SLC17A4: variants seen among roughly 807,000 people sequenced by gnomAD.
The protein encoded by SLC17A4 is solute carrier family 17 member 4.
SLC17A4 carries 33 observed loss-of-function variants against 52.5 expected under a neutral mutation model. That is an observed-to-expected ratio of 0.63 (90% CI 0.48 to 0.84). SLC17A4 has a LOEUF of 0.84. Among genes scored for constraint, SLC17A4 ranks in the 40% least tolerant of loss-of-function variants. The pLI is 0.00. For synonymous variants in SLC17A4, 225 were observed against 216.2 expected (o/e 1.04, Z -0.36); for missense variants, 585 against 597.1 (o/e 0.98, Z 0.21).
chr6:25,770,604 C>A, intron 5 of SLC17A4, 133 bp downstream of exon 5: 1 of 794,116 alleles, frequency 1.3e-6, no homozygotes, highest in Non-Finnish European at 2.1e-6. Context: ...CTACCCCATA[C>A]TGCCTTACTT....
intron 1 of SLC17A4, among the ~76,000 whole-genome samples, chr6:25,755,089 A>C (rs1760897203): frequency 6.9e-6 from 1 of 143,906 alleles, no homozygotes; most frequent in East Asian, 2.6e-4. Context: ...ACACAGAGGA[A>C]GAAAGAGAGA....
chr6:25,780,043 C>T lies in SLC17A4; in HGVS notation c.*855C>T, dbSNP rs1379968198. The T allele has an allele frequency of 1.3e-5, 2 of 152,194 alleles. No homozygotes were observed. Among genetic ancestry groups the T allele is most frequent in the African/African-American group, 2.4e-5 (1 of 41,444 alleles). The allele number at this position is 152,194 out of a possible 1,614,324, so 9.4% of individuals were successfully genotyped here. A position where few individuals can be genotyped will look rare whatever the true frequency, so the allele number is the denominator to read the frequency against. On this transcript the variant is annotated 3_prime_UTR_variant, in exon 12 of 12. Coordinates refer to ENST00000377905, the MANE Select transcript of SLC17A4 (RefSeq NM_005495.3). ...CAATGTGGAACCATTCAACATTCACCTCATTAACCTAAAATGTCTCCCAAA... is the reference window on the plus strand; with the variant it reads ...CAATGTGGAACCATTCAACATTCACTTCATTAACCTAAAATGTCTCCCAAA...
chr6:25,757,890 G>A (rs1163425055), intron 1 of SLC17A4, among the ~76,000 whole-genome samples: 2 of 152,184 alleles, frequency 1.3e-5, no homozygotes, highest in Non-Finnish European at 2.9e-5. Flanking sequence ...CAGGTGTTGG[G>A]CATCAGGCAG....
chr6:25,759,776 G>T (rs1373137921), intron 1 of SLC17A4, among the ~76,000 whole-genome samples: 1 of 150,450 alleles, frequency 6.6e-6, no homozygotes, highest in Non-Finnish European at 1.5e-5. Context: ...TAGATGTTAG[G>T]TGAATCTCTT....
chr6:25,773,900 T>C (rs1424375908), intron 8 of SLC17A4, among the ~76,000 whole-genome samples: 2 of 152,192 alleles, frequency 1.3e-5, no homozygotes, highest in Non-Finnish European at 2.9e-5. Flanking sequence ...TTGATTTTCA[T>C]ACACTATCAT....
chr6:25,757,921 C>A (rs771991004), intron 1 of SLC17A4, among the ~76,000 whole-genome samples: 4 of 152,158 alleles, frequency 2.6e-5, no homozygotes, highest in Non-Finnish European at 5.9e-5. Context: ...CTTTTGGGGT[C>A]GTGTGGCTTC....
At chr6:25,769,223 G>A in intron 3 of SLC17A4, 33 bp downstream of exon 3, 1 of 1,559,400 alleles carries the variant, frequency 6.4e-7, no homozygotes, top group Non-Finnish European at 8.8e-7. Flanking sequence ...CTCTTTCTTT[G>A]ACTCAAATAA....
At chr6:25,760,207 T>C (rs1761415112) in intron 1 of SLC17A4, among the ~76,000 whole-genome samples, 1 of 152,216 alleles carries the variant, frequency 6.6e-6, no homozygotes, top group African/African-American at 2.4e-5. Context: ...CGAAGCACAT[T>C]TTCCCATGTT....
intron 3 of SLC17A4, among the ~76,000 whole-genome samples, chr6:25,769,779 C>G (rs934460458): frequency 1.3e-5 from 2 of 151,836 alleles, no homozygotes; most frequent in Non-Finnish European, 2.9e-5. Context: ...CTTCCTTCCA[C>G]GTATTTTTTT....
At chr6:25,762,450 T>C (rs947151589) in intron 2 of SLC17A4, among the ~76,000 whole-genome samples, 4 of 152,164 alleles carry the variant, frequency 2.6e-5, no homozygotes, top group Non-Finnish European at 4.4e-5. Flanking sequence ...GCTTCTACCA[T>C]GTCATAGAAG....
intron 2 of SLC17A4, chr6:25,768,209 C>T (rs1441052075): frequency 4.9e-6 from 1 of 203,598 alleles, no homozygotes; most frequent in African/African-American, 2.4e-5. Context: ...TAGAACTTAG[C>T]AAGAGCATTA....
At chr6:25,770,871 A>G in intron 5 of SLC17A4, 55 bp from the exon 6 acceptor site, 1 of 1,375,896 alleles carries the variant, frequency 7.3e-7, no homozygotes, top group Non-Finnish European at 1.0e-6. Flanking sequence ...TAGAAAGCAC[A>G]TAGAGCCCCA....
Position 25,761,930 on chromosome 6 carries a change from G to C in SLC17A4, c.-33G>C. On this transcript the variant is annotated 5_prime_UTR_variant, in exon 2 of 12. Coordinates refer to ENST00000377905, the MANE Select transcript of SLC17A4 (RefSeq NM_005495.3). ...TTTTGTATTCTTTTTATTTCAGTAA[G>C]TAAATGCCAGTCCCTAGGAAGAGAG... The C allele has an allele frequency of 6.5e-7, 1 of 1,548,684 alleles. No homozygotes were observed. The highest frequency in any genetic ancestry group is 8.9e-7 in the Non-Finnish European group (1 of 1,123,646).
chr6:25,764,604 A>G (rs980555808), intron 2 of SLC17A4, among the ~76,000 whole-genome samples: 1 of 152,210 alleles, frequency 6.6e-6, no homozygotes, highest in Non-Finnish European at 1.5e-5. Context: ...TCCTTGAGGC[A>G]GGGTGCAGTG....
In SLC17A4 at chr6:25,760,230, A is replaced by G. The variant is rs149624593; in HGVS notation, c.-36-1697A>G. ...ATTTTCCCATGTTTGTTCTTAATCTATATTCATATATTATTCCAATAGTTT... is the reference window on the plus strand; with the variant it reads ...ATTTTCCCATGTTTGTTCTTAATCTGTATTCATATATTATTCCAATAGTTT... On this transcript the variant is annotated intron_variant, in intron 1 of 11. Transcript: ENST00000377905. Among the ~76,000 whole-genome samples, 1,121 of 152,306 alleles carry G rather than the reference A, an allele frequency of 7.4e-3. 14 individuals are homozygous for G. Among genetic ancestry groups the G allele is most frequent in the African/African-American group, 0.024 (1,010 of 41,580 alleles).
intron 2 of SLC17A4, among the ~76,000 whole-genome samples, chr6:25,763,868 T>G (rs1007182400): frequency 2.0e-5 from 3 of 152,208 alleles, no homozygotes; most frequent in Admixed American, 2.0e-4. Flanking sequence ...ATGAGCTTCT[T>G]TCTGTATCAG....
chr6:25,759,007 G>A (rs970331553), intron 1 of SLC17A4, among the ~76,000 whole-genome samples: 33 of 152,072 alleles, frequency 2.2e-4, no homozygotes, highest in African/African-American at 7.0e-4. Context: ...CACGGTTGTC[G>A]TTCAGTTCAA....
chr6:25,762,914 C>T (rs1257484620), intron 2 of SLC17A4, among the ~76,000 whole-genome samples: 1 of 152,162 alleles, frequency 6.6e-6, no homozygotes, highest in East Asian at 1.9e-4. Flanking sequence ...TCCTATCATT[C>T]TGTCTCTCCC....
intron 2 of SLC17A4, among the ~76,000 whole-genome samples, chr6:25,765,561 A>G (rs1350449333): frequency 1.3e-5 from 2 of 152,248 alleles, no homozygotes; most frequent in African/African-American, 2.4e-5. Context: ...GACAATAACA[A>G]TAATAATAAA....
Sources: gnomAD v4.1 joint callset for allele counts (sites outside exome capture counted in the v4.1 genomes callset) on GRCh38, gnomAD v4.1.1 for gene constraint, MANE v1.5 for transcripts, NCBI Gene and HGNC (gene_info 2026-07-23, HGNC 2026-07-21) for gene names.